Variants in MARCHF5 observed in about 807,000 individuals in gnomAD.
MARCHF5 encodes E3 ubiquitin-protein ligase MARCHF5.
In MARCHF5, 5 loss-of-function variants were observed where a neutral mutation model predicts 36.5. The ratio of observed to expected loss-of-function variants is 0.14; its 90% confidence interval spans 0.07 to 0.29. MARCHF5 has a LOEUF of 0.29. Among genes scored for constraint, MARCHF5 ranks in the 10% least tolerant of loss-of-function variants. The pLI, the probability that MARCHF5 is intolerant of heterozygous loss-of-function variation, is 1.00. For missense variants in MARCHF5, 179 were observed against 336.3 expected, an observed-to-expected ratio of 0.53 and a Z score of 3.66; for synonymous variants, 103 against 109.9, an observed-to-expected ratio of 0.94 and a Z score of 0.39.
intron 2 of MARCHF5, among the ~76,000 whole-genome samples, chr10:92,339,329 C>T (rs774226547): frequency 1.3e-4 from 20 of 152,020 alleles, no homozygotes; most frequent in Admixed American, 1.2e-3. Flanking sequence ...AAGATCCCAC[C>T]ATTGCACCCC....
chr10:92,295,429 A>T (rs1419023913), intron 1 of MARCHF5, among the ~76,000 whole-genome samples: 1 of 134,978 alleles, frequency 7.4e-6, no homozygotes, highest in East Asian at 2.2e-4. Context: ...TTTTTTTGAG[A>T]CAGAGTCTCG....
At chr10:92,314,777 T>C (rs1277905377) in intron 2 of MARCHF5, among the ~76,000 whole-genome samples, 1 of 135,714 alleles carries the variant, frequency 7.4e-6, no homozygotes, top group Non-Finnish European at 1.5e-5. Context: ...GGTTGGGTCT[T>C]GCTATGTTGT....
At chr10:92,296,057 T>G (rs949475529) in intron 1 of MARCHF5, among the ~76,000 whole-genome samples, 3 of 152,016 alleles carry the variant, frequency 2.0e-5, no homozygotes, top group African/African-American at 7.2e-5. Flanking sequence ...GTATTTTTAG[T>G]AGAGACTGGG....
chr10:92,303,897 TTCTTTGTTCCCTGAACCAA>T (rs1843044251), intron 1 of MARCHF5, among the ~76,000 whole-genome samples: 2 of 152,226 alleles, frequency 1.3e-5, no homozygotes. Context: ...CAGTGATTTG[TTCTTTGTTCCCTGAACCAA>T]TCATGATACT....
intron 2 of MARCHF5, among the ~76,000 whole-genome samples, chr10:92,322,747 C>G (rs1360471809): frequency 6.9e-6 from 1 of 144,162 alleles, no homozygotes; most frequent in Non-Finnish European, 1.5e-5. Flanking sequence ...TTTTTTCTTT[C>G]TTTGTTTTTG....
rs1205171239 is a variant in MARCHF5 at position 92,291,432 on chromosome 10, G to T, written c.-63G>T. 1.4e-6 allele frequency: 2 copies of T among 1,415,412 alleles called. No homozygotes were observed. The highest frequency in any genetic ancestry group is 2.0e-6 in the Non-Finnish European group (2 of 1,025,144). The allele number at this position is 1,415,412 out of a possible 1,614,324, so 87.7% of individuals were successfully genotyped here. ...TACTCCGCCGCCTCTCAGTGCTATT[G>T]TCCCTGGGCCTGGCCTTGAGCGGGT... On this transcript the variant is annotated 5_prime_UTR_variant, in exon 1 of 6. Coordinates refer to ENST00000358935, the MANE Select transcript of MARCHF5 (RefSeq NM_017824.5).
intron 2 of MARCHF5, among the ~76,000 whole-genome samples, chr10:92,328,821 ATTT>A (rs34713388): frequency 8.2e-6 from 1 of 122,420 alleles, no homozygotes; most frequent in African/African-American, 3.2e-5. Context: ...ATATATATAT[ATTT>A]TTTTTTTTTT....
chr10:92,312,363 G>A (rs1403818370), intron 2 of MARCHF5, among the ~76,000 whole-genome samples: 1 of 152,184 alleles, frequency 6.6e-6, no homozygotes. Flanking sequence ...AGAAATGATA[G>A]CTTCCTTTGA....
At chr10:92,316,316 G>A (rs1843208739) in intron 2 of MARCHF5, among the ~76,000 whole-genome samples, 2 of 152,184 alleles carry the variant, frequency 1.3e-5, no homozygotes, top group Middle Eastern at 3.2e-3. Flanking sequence ...ATTGTACTCA[G>A]TTGTGAAAAA....
intron 2 of MARCHF5, among the ~76,000 whole-genome samples, chr10:92,321,959 G>A (rs1290646233): frequency 6.6e-6 from 1 of 151,214 alleles, no homozygotes; most frequent in Non-Finnish European, 1.5e-5. Flanking sequence ...GATTTGTCAG[G>A]GTTGGCCAGG....
intron 2 of MARCHF5, among the ~76,000 whole-genome samples, chr10:92,328,214 T>G (rs1261775267): frequency 6.6e-6 from 1 of 151,794 alleles, no homozygotes. Flanking sequence ...GTCTTTATTC[T>G]GTTCCAGAAT....
At chr10:92,325,759 C>T (rs1378039236) in intron 2 of MARCHF5, among the ~76,000 whole-genome samples, 1 of 152,132 alleles carries the variant, frequency 6.6e-6, no homozygotes, top group Non-Finnish European at 1.5e-5. Flanking sequence ...CTCTCTGCAA[C>T]CTCTGCCTCC....
At chr10:92,350,966 T>C (rs559756919) in intron 5 of MARCHF5, 125 bp from the exon 6 acceptor site, 8 of 621,680 alleles carry the variant, frequency 1.3e-5, no homozygotes, top group South Asian at 1.2e-4. Context: ...AACTGTTTCA[T>C]TTGCAGTCAT....
At position 92,295,406 on chromosome 10, in the gene MARCHF5, TA is replaced by T. The variant is rs1194576644; in HGVS notation, c.35+3878del. Among the ~76,000 whole-genome samples, 181 of 141,976 alleles carry T rather than the reference TA, an allele frequency of 1.3e-3. 9 individuals carry two copies. The Middle Eastern group carries it at 0.014, about 11-fold the overall frequency. The allele number at this position is 141,976 out of a possible 152,430, so 93.1% of individuals were successfully genotyped here. On this transcript the variant is annotated intron_variant, in intron 1 of 5. Transcript: ENST00000358935. Reference sequence around the variant, plus strand: ...AACTTCTTTTATTTATTTATTTATTTATTTTTTATTTTTTTTTTTGAGACAG... The same window carrying T: ...AACTTCTTTTATTTATTTATTTATTTTTTTTTATTTTTTTTTTTGAGACAG...
At chr10:92,291,843 C>T (rs1183058562) in intron 1 of MARCHF5, among the ~76,000 whole-genome samples, 1 of 151,564 alleles carries the variant, frequency 6.6e-6, no homozygotes, top group African/African-American at 2.4e-5. Context: ...TCCCCCTTCC[C>T]CCTCCCCAAC....
chr10:92,341,168 C>T (rs1473224549), intron 3 of MARCHF5, among the ~76,000 whole-genome samples: 3 of 152,012 alleles, frequency 2.0e-5, no homozygotes. Context: ...TTCAGGAGGC[C>T]GAGGCAGGTG....
intron 3 of MARCHF5, among the ~76,000 whole-genome samples, chr10:92,346,342 C>CA (rs1487226569): frequency 6.6e-6 from 1 of 152,124 alleles, no homozygotes; most frequent in Non-Finnish European, 1.5e-5. Context: ...AGCCCCAGCA[C>CA]AAAATCATTA....
At chr10:92,338,200 C>A (rs1026822752) in intron 2 of MARCHF5, among the ~76,000 whole-genome samples, 13 of 151,654 alleles carry the variant, frequency 8.6e-5, no homozygotes, top group African/African-American at 3.1e-4. Context: ...AAAAAAAAAT[C>A]GAATTATCAA....
At chr10:92,310,590 T>C (rs1843133316) in intron 1 of MARCHF5, among the ~76,000 whole-genome samples, 1 of 152,204 alleles carries the variant, frequency 6.6e-6, no homozygotes, top group Non-Finnish European at 1.5e-5. Context: ...TCCTTTGTGC[T>C]TTTTTGAAAA....
Sources: allele counts gnomAD v4.1 joint callset (sites outside exome capture counted in the v4.1 genomes callset), GRCh38; gene constraint gnomAD v4.1.1; transcripts MANE v1.5; gene names NCBI Gene and HGNC (gene_info 2026-07-23, HGNC 2026-07-21).